Variants in TAFA1 observed in about 807,000 individuals in gnomAD.
The protein encoded by TAFA1 is chemokine-like protein TAFA-1.
Under a neutral mutation model 18.5 loss-of-function variants are expected in TAFA1, and 4 were observed. That is an observed-to-expected ratio of 0.22 (90% CI 0.11 to 0.49). TAFA1 has a LOEUF of 0.49. Among genes scored for constraint, TAFA1 ranks in the 20% least tolerant of loss-of-function variants. The pLI, the probability that TAFA1 is intolerant of heterozygous loss-of-function variation, is 0.98. For synonymous variants in TAFA1, 56 were observed against 55.2 expected, an observed-to-expected ratio of 1.01 and a Z score of -0.06; for missense variants, 147 against 169.0, an observed-to-expected ratio of 0.87 and a Z score of 0.72.
At chr3:68,273,587 T>G (rs1364335487) in intron 2 of TAFA1, among the ~76,000 whole-genome samples, 1 of 152,172 alleles carries the variant, frequency 6.6e-6, no homozygotes, top group Admixed American at 6.5e-5. Flanking sequence ...GGCAGATGGA[T>G]GCCCACATTT....
intron 2 of TAFA1, among the ~76,000 whole-genome samples, chr3:68,011,458 C>T (rs911260207): frequency 6.6e-6 from 1 of 152,104 alleles, no homozygotes; most frequent in Non-Finnish European, 1.5e-5. Context: ...ACATACTGAA[C>T]ATCACCTTCC....
intron 2 of TAFA1, among the ~76,000 whole-genome samples, chr3:68,216,203 A>G (rs1334928623): frequency 6.6e-6 from 1 of 152,048 alleles, no homozygotes; most frequent in Non-Finnish European, 1.5e-5. Flanking sequence ...TTTTTAAAGC[A>G]GAAAAACTGC....
intron 2 of TAFA1, among the ~76,000 whole-genome samples, chr3:68,358,278 G>T (rs1371288593): frequency 6.6e-6 from 1 of 151,200 alleles, no homozygotes; most frequent in Non-Finnish European, 1.5e-5. Flanking sequence ...TTTATATCCT[G>T]GAGATCTTCA....
In TAFA1 at chr3:68,403,153, A is replaced by C. The variant is rs75746103; in HGVS notation, c.119-14127A>C. Among the ~76,000 whole-genome samples, 1,387 of 152,306 alleles carry C rather than the reference A, an allele frequency of 9.1e-3. 16 individuals carry two copies. The highest frequency in any genetic ancestry group is 0.032 in the African/African-American group (1,330 of 41,568). Reference sequence around the variant, plus strand: ...TAGCCTAGAAGTAATAGGCTATACTATCTAGCCTAGGTGTGTAGTAGGCTA... The same window carrying C: ...TAGCCTAGAAGTAATAGGCTATACTCTCTAGCCTAGGTGTGTAGTAGGCTA... On this transcript the variant is annotated intron_variant, in intron 2 of 4. Transcript: ENST00000478136.
intron 2 of TAFA1, among the ~76,000 whole-genome samples, chr3:68,285,939 GCAGTGGCTCATGC>G (rs1354513429): frequency 1.3e-5 from 2 of 152,178 alleles, no homozygotes; most frequent in Non-Finnish European, 2.9e-5. Flanking sequence ...CAGGCCAGGT[GCAGTGGCTCATGC>G]CCATAATCCC....
At chr3:68,420,249 A>T (rs1322647399) in intron 3 of TAFA1, among the ~76,000 whole-genome samples, 1 of 152,146 alleles carries the variant, frequency 6.6e-6, no homozygotes, top group Admixed American at 6.5e-5. Flanking sequence ...ATGCCATGGG[A>T]AGGTCAAGCT....
At chr3:68,338,260 T>C (rs185477500) in intron 2 of TAFA1, among the ~76,000 whole-genome samples, 1 of 152,204 alleles carries the variant, frequency 6.6e-6, no homozygotes, top group East Asian at 1.9e-4. Flanking sequence ...AAAAAATAAA[T>C]CCCTGTTCCA....
chr3:68,213,842 T>C (rs946013357), intron 2 of TAFA1, among the ~76,000 whole-genome samples: 7 of 152,080 alleles, frequency 4.6e-5, no homozygotes, highest in African/African-American at 1.7e-4. Context: ...TTAAAGCCAG[T>C]AGAGCCTTTA....
chr3:68,301,315 C>T lies in TAFA1; in HGVS notation c.119-115965C>T, dbSNP rs565676368. On this transcript the variant is annotated intron_variant, in intron 2 of 4. Transcript: ENST00000478136. ...ACATAAATTTTTCTGCACCTATCTT[C>T]ATTTATCTTGTTGGAGATCATTTTA... Among the ~76,000 whole-genome samples the T allele has an allele frequency of 3.7e-3, 569 of 152,264 alleles. 2 individuals are homozygous for T. Among genetic ancestry groups the T allele is most frequent in the Non-Finnish European group, 4.9e-3 (334 of 68,028 alleles).
intron 2 of TAFA1, among the ~76,000 whole-genome samples, chr3:68,167,415 A>G (rs2065994816): frequency 6.6e-6 from 1 of 152,044 alleles, no homozygotes; most frequent in South Asian, 2.1e-4. Context: ...CGTCTCTACT[A>G]AAAATACAAA....
At chr3:68,402,771 G>A (rs2070522797) in intron 2 of TAFA1, among the ~76,000 whole-genome samples, 1 of 152,194 alleles carries the variant, frequency 6.6e-6, no homozygotes, top group Admixed American at 6.5e-5. Context: ...CAAAAGCTAA[G>A]CAGAAGTACC....
chr3:68,109,941 T>C (rs2065245310), intron 2 of TAFA1, among the ~76,000 whole-genome samples: 1 of 152,176 alleles, frequency 6.6e-6, no homozygotes, highest in African/African-American at 2.4e-5. Flanking sequence ...CATGTGATTA[T>C]GTGGCCAATT....
chr3:68,127,810 G>A (rs1318124468), intron 2 of TAFA1, among the ~76,000 whole-genome samples: 2 of 147,668 alleles, frequency 1.4e-5, no homozygotes, highest in Middle Eastern at 3.3e-3. Context: ...GGCAGTGGTG[G>A]TGGTGGTGGT....
At chr3:68,460,874 A>G (rs1322282396) in intron 3 of TAFA1, among the ~76,000 whole-genome samples, 2 of 152,226 alleles carry the variant, frequency 1.3e-5, no homozygotes, top group Non-Finnish European at 2.9e-5. Flanking sequence ...TTTCCTTCAA[A>G]TTTTAAAAAA....
chr3:68,102,981 G>C (rs2065165404), intron 2 of TAFA1, among the ~76,000 whole-genome samples: 1 of 152,190 alleles, frequency 6.6e-6, no homozygotes, highest in African/African-American at 2.4e-5. Flanking sequence ...CCCTGAATCT[G>C]TTTCCAGTTT....
At chr3:68,425,086 G>A (rs1442475391) in intron 3 of TAFA1, among the ~76,000 whole-genome samples, 3 of 151,892 alleles carry the variant, frequency 2.0e-5, no homozygotes, top group Non-Finnish European at 4.4e-5. Flanking sequence ...TGACATGTCG[G>A]GCTCAACTGC....
At chr3:68,236,622 C>A (rs1331426847) in intron 2 of TAFA1, among the ~76,000 whole-genome samples, 1 of 152,190 alleles carries the variant, frequency 6.6e-6, no homozygotes, top group Non-Finnish European at 1.5e-5. Flanking sequence ...ACTCTGTTAA[C>A]CCGAATATTC....
intron 2 of TAFA1, among the ~76,000 whole-genome samples, chr3:68,213,103 A>C (rs2066615442): frequency 6.6e-6 from 1 of 151,916 alleles, no homozygotes; most frequent in Non-Finnish European, 1.5e-5. Context: ...ACTTCAACAG[A>C]AGTCAGTAGT....
intron 2 of TAFA1, among the ~76,000 whole-genome samples, chr3:68,051,124 A>T (rs1397184691): frequency 6.6e-6 from 1 of 152,112 alleles, no homozygotes; most frequent in Non-Finnish European, 1.5e-5. Flanking sequence ...AATAGGGATG[A>T]TAAATATACC....
Sources: gnomAD v4.1 joint callset for allele counts (sites outside exome capture counted in the v4.1 genomes callset) on GRCh38, gnomAD v4.1.1 for gene constraint, MANE v1.5 for transcripts, NCBI Gene and HGNC (gene_info 2026-07-23, HGNC 2026-07-21) for gene names.